ARHGAP21: variants seen among roughly 807,000 people sequenced by gnomAD.
ARHGAP21 encodes the protein rho GTPase-activating protein 21.
Under a neutral mutation model 164.6 loss-of-function variants are expected in ARHGAP21, and 38 were observed. The observed-to-expected ratio is 0.23, with a 90% CI of 0.18 to 0.30. The LOEUF is 0.30. Ranked by LOEUF, ARHGAP21 falls within the 10% of genes least tolerant of loss-of-function variation. ARHGAP21 has a pLI of 1.00. For missense variants in ARHGAP21, 1,822 were observed against 2,370.7 expected (o/e 0.77, Z 4.81); for synonymous variants, 766 against 857.9 (o/e 0.89, Z 1.87).
At chr10:24,590,288 A>G in intron 24 of ARHGAP21, 2 of 1,532,700 alleles carry the variant, frequency 1.3e-6, no homozygotes, top group Non-Finnish European at 1.7e-6. Flanking sequence ...TGATCTGTTT[A>G]CAATAATCTT....
At chr10:24,633,320 A>C in intron 6 of ARHGAP21, 82 bp downstream of exon 6, 1 of 993,180 alleles carries the variant, frequency 1.0e-6, no homozygotes, top group Non-Finnish European at 1.5e-6. Context: ...ATTCCTTGTA[A>C]GAATAGAAGA....
chr10:24,601,995 C>T lies in ARHGAP21; in HGVS notation c.2830G>A (p.Val944Ile), dbSNP rs1470933782. Residue 944 changes from valine (V) to isoleucine (I), a missense_variant, in exon 13 of 26, where the codon GTC (valine) becomes ATC (isoleucine). This residue lies in a region of ARHGAP21 where 1,090 missense variants were observed against 1,378.9 expected (regional missense o/e 0.79). Transcript: ENST00000396432. ...CACACTACCTTGCCCTTATCGGTGA[C>T]AAGGGGTCGGAAATGAAGCCACCCT... ...KEGWLHFRPL[V>I]TDKGKRVGGS... 6.2e-7 allele frequency: 1 copy of T among 1,611,464 alleles called. No individual in the cohort carries two copies. The highest frequency in any genetic ancestry group is 1.3e-5 in the African/African-American group (1 of 74,918).
chr10:24,640,760 C>A (rs1836922413), intron 4 of ARHGAP21, among the ~76,000 whole-genome samples: 1 of 151,888 alleles, frequency 6.6e-6, no homozygotes, highest in South Asian at 2.1e-4. Flanking sequence ...ATCTTTATTT[C>A]TCTTTGATGG....
chr10:24,693,971 ACAG>A (rs781261129), intron 2 of ARHGAP21, among the ~76,000 whole-genome samples: 4 of 152,212 alleles, frequency 2.6e-5, no homozygotes, highest in Non-Finnish European at 5.9e-5. Flanking sequence ...TCACCATTTT[ACAG>A]CCTATACCCA....
At chr10:24,630,759 C>G (rs779118019) in intron 6 of ARHGAP21, among the ~76,000 whole-genome samples, 1 of 152,160 alleles carries the variant, frequency 6.6e-6, no homozygotes, top group African/African-American at 2.4e-5. Context: ...TCCCAAAGTG[C>G]TGGGATTACA....
At chr10:24,597,034 C>A in intron 16 of ARHGAP21, 152 bp from the exon 17 acceptor site, 1 of 830,972 alleles carries the variant, frequency 1.2e-6, no homozygotes, top group Non-Finnish European at 1.7e-6. Flanking sequence ...TGTTCTCTTC[C>A]ATATAACTTT....
In ARHGAP21 at chr10:24,621,314, C is replaced by G. The variant is rs758363664; in HGVS notation, c.581G>C (p.Arg194Pro). The change falls in exon 9 of 26, where the codon CGC (arginine) becomes CCC (proline). Residue 194 changes from arginine (R) to proline (P), a missense_variant. By Grantham distance (103) the Arg-to-Pro change is moderately radical (BLOSUM62 -2). Transcript: ENST00000396432. ...GATTGGTGGAGGTTCAGGTATATTGCGGGCATTGCCGCTATAAGCTTCGTT... is the reference window on the plus strand; with the variant it reads ...GATTGGTGGAGGTTCAGGTATATTGGGGGCATTGCCGCTATAAGCTTCGTT... The part of the protein sequence containing the change: ...KGNEAYSGNA[R>P]NIPEPPPICY... 11 of 1,610,372 alleles carry G rather than the reference C, an allele frequency of 6.8e-6. No individual in the cohort carries two copies. The highest frequency in any genetic ancestry group is 9.3e-6 in the Non-Finnish European group (11 of 1,178,094).
In ARHGAP21 at chr10:24,671,525, T is replaced by C. The variant is rs1379920626; in HGVS notation, c.64-1128A>G. Among the ~76,000 whole-genome samples, 3 of 152,008 alleles carry C rather than the reference T, an allele frequency of 2.0e-5. No homozygotes were observed. The East Asian group carries it at 5.8e-4, about 29-fold the overall frequency. ...CAACCGTGCCCATGTTCCCCTGCCT[T>C]CCCTTCTGCTATGATGGATAAGCCA... On this transcript the variant is annotated intron_variant, in intron 2 of 25. Coordinates refer to ENST00000396432, the MANE Select transcript of ARHGAP21 (RefSeq NM_020824.4).
At chr10:24,708,437 A>G (rs1248085608) in intron 2 of ARHGAP21, among the ~76,000 whole-genome samples, 1 of 152,136 alleles carries the variant, frequency 6.6e-6, no homozygotes, top group Admixed American at 6.5e-5. Context: ...TATTATTATT[A>G]TTTGTACAAA....
intron 6 of ARHGAP21, among the ~76,000 whole-genome samples, chr10:24,631,877 C>T (rs960764518): frequency 1.3e-5 from 2 of 152,090 alleles, no homozygotes; most frequent in African/African-American, 4.8e-5. Context: ...AACAGACACA[C>T]ACCAGCACGC....
chr10:24,594,990 G>A lies in ARHGAP21; in HGVS notation c.3836C>T (p.Ala1279Val). The change falls in exon 21 of 26, where the codon GCT becomes GTT. Residue 1279 changes from alanine to valine, a missense_variant. Transcript: ENST00000396432. ...HHYETLKFLS[A>V]HLKTVAENSE... ...ATTTTCTGCCACTGTCTTCAGATGA[G>A]CTGAAAGGAACTTAAGTGTTTCATA... 6.2e-7 allele frequency: 1 copy of A among 1,610,186 alleles called. No homozygotes were observed. The highest frequency in any genetic ancestry group is 1.1e-5 in the South Asian group (1 of 90,836).
chr10:24,693,126 G>A lies in ARHGAP21; in HGVS notation c.64-22729C>T, dbSNP rs147300679. ...AAGGCATAACAGAGGCTTCTGAGGCGCTGTTCATGTTCTATGTCTGGGTGG... is the reference window on the plus strand; with the variant it reads ...AAGGCATAACAGAGGCTTCTGAGGCACTGTTCATGTTCTATGTCTGGGTGG... On this transcript the variant is annotated intron_variant, in intron 2 of 25. Coordinates refer to ENST00000396432, the MANE Select transcript of ARHGAP21 (RefSeq NM_020824.4). 1.6e-3 allele frequency among the ~76,000 whole-genome samples: 239 copies of A among 152,294 alleles called. 5 individuals carry two copies. The East Asian group carries it at 0.038, about 24-fold the overall frequency.
At chr10:24,615,590 A>G (rs2131106679) in intron 9 of ARHGAP21, among the ~76,000 whole-genome samples, 1 of 152,340 alleles carries the variant, frequency 6.6e-6, no homozygotes, top group Admixed American at 6.5e-5. Context: ...TGAAATTTGC[A>G]GCCAACAGGC....
Position 24,595,803 on chromosome 10 carries a change from T to A in ARHGAP21, c.3634-8A>T. Reference sequence around the variant, plus strand: ...ATTCAAATCTCGCCATTTCTAGGTGTACAAAATAGAAATATAGTATTTTCA... The same window carrying A: ...ATTCAAATCTCGCCATTTCTAGGTGAACAAAATAGAAATATAGTATTTTCA... On this transcript the variant is annotated splice_polypyrimidine_tract_variant and splice_region_variant and intron_variant, in intron 18 of 25. Coordinates refer to ENST00000396432, the MANE Select transcript of ARHGAP21 (RefSeq NM_020824.4). 1 of 1,612,692 alleles carries A rather than the reference T, an allele frequency of 6.2e-7. No homozygotes were observed. The highest frequency in any genetic ancestry group is 8.5e-7 in the Non-Finnish European group (1 of 1,179,414).
chr10:24,592,436 T>TTTGA (rs2130784722), intron 21 of ARHGAP21, among the ~76,000 whole-genome samples: 1 of 152,276 alleles, frequency 6.6e-6, no homozygotes, highest in Non-Finnish European at 1.5e-5. Flanking sequence ...CCAAGAAGAC[T>TTTGA]TTGATTGAAA....
At chr10:24,641,149 G>A (rs1474517314) in intron 4 of ARHGAP21, among the ~76,000 whole-genome samples, 3 of 152,060 alleles carry the variant, frequency 2.0e-5, no homozygotes, top group Non-Finnish European at 2.9e-5. Context: ...TTGGGAATAT[G>A]GTTTACTGGT....
At chr10:24,692,863 A>G (rs1259109583) in intron 2 of ARHGAP21, among the ~76,000 whole-genome samples, 2 of 152,244 alleles carry the variant, frequency 1.3e-5, no homozygotes, top group African/African-American at 2.4e-5. Context: ...TAAAAAAAAA[A>G]AGAGTAGGAT....
Position 24,619,568 on chromosome 10 carries a change from T to C in ARHGAP21, c.2327A>G (p.Asp776Gly). ...TTTTATGTGGACCTCTCGACGTGCA[T>C]CATTGGGCAGCCAGCAGGTAGTGTC... The part of the protein sequence containing the change: ...GSDTTCWLPN[D>G]ARREVHIKRM... Residue 776 changes from aspartate (D) to glycine (G), a missense_variant, in exon 9 of 26, where the codon GAT becomes GGT. Coordinates refer to ENST00000396432, the MANE Select transcript of ARHGAP21 (RefSeq NM_020824.4). 6.2e-7 allele frequency: 1 copy of C among 1,614,160 alleles called. No individual in the cohort carries two copies. The highest frequency in any genetic ancestry group is 8.5e-7 in the Non-Finnish European group (1 of 1,180,024).
Position 24,633,475 on chromosome 10 carries a change from G to C in ARHGAP21, c.367C>G (p.Arg123Gly), listed in dbSNP as rs143822377. 1 of 1,608,274 alleles carries C rather than the reference G, an allele frequency of 6.2e-7. No homozygotes were observed. Among genetic ancestry groups the C allele is most frequent in the Non-Finnish European group, 8.5e-7 (1 of 1,176,882 alleles). Residue 123 changes from arginine (R) to glycine (G), a missense_variant, in exon 6 of 26, where the codon CGA (arginine) becomes GGA (glycine). Transcript: ENST00000396432. ...AFEAGLCTGDRIIKVNGESVI... is the reference protein window; with the variant it reads ...AFEAGLCTGDGIIKVNGESVI... ...CTTTCTCCATTGACTTTTATAATTC[G>C]GTCACCTTCAAAGAGAAGTTAAAAA... is the stretch of plus-strand genomic sequence containing the variant.
Sources: allele counts gnomAD v4.1 joint callset (sites outside exome capture counted in the v4.1 genomes callset), GRCh38; gene constraint gnomAD v4.1.1; regional missense constraint gnomAD v4.1.1; transcripts MANE v1.5; gene names NCBI Gene and HGNC (gene_info 2026-07-23, HGNC 2026-07-21).